HMMR: variants seen among roughly 807,000 people sequenced by gnomAD.
HMMR encodes the protein intracellular hyaluronic acid-binding protein.
A neutral mutation model predicts 101.0 loss-of-function variants in HMMR; 108 were observed. The ratio of observed to expected loss-of-function variants is 1.07; its 90% confidence interval spans 0.92 to 1.25. The LOEUF is 1.25. Among genes scored for constraint, HMMR ranks in the 50% most tolerant of loss-of-function variants. The pLI, the probability that HMMR is intolerant of heterozygous loss-of-function variation, is 0.00. For synonymous variants in HMMR, 296 were observed against 276.4 expected (o/e 1.07, Z -0.70); for missense variants, 813 against 788.7 (o/e 1.03, Z -0.37).
intron 11 of HMMR, among the ~76,000 whole-genome samples, chr5:163,477,188 A>G (rs1759095574): frequency 6.6e-6 from 1 of 152,216 alleles, no homozygotes; most frequent in African/African-American, 2.4e-5. Flanking sequence ...AAGAGAAACT[A>G]TTCCTTAGCC....
At chr5:163,475,391 T>C in intron 10 of HMMR, 67 bp from the exon 11 acceptor site, 1 of 807,310 alleles carries the variant, frequency 1.2e-6, no homozygotes, top group Non-Finnish European at 2.0e-6. Flanking sequence ...TGTACTTTTT[T>C]TTGTCTCCTA....
At chr5:163,468,161 C>T (rs1758761635) in intron 4 of HMMR, among the ~76,000 whole-genome samples, 1 of 152,234 alleles carries the variant, frequency 6.6e-6, no homozygotes, top group Non-Finnish European at 1.5e-5. Context: ...GTTAGGCTAA[C>T]TCGATGCATT....
chr5:163,488,388 T>TGAATAAAAGAAACA (rs1432620687), intron 16 of HMMR, among the ~76,000 whole-genome samples: 1 of 152,194 alleles, frequency 6.6e-6, no homozygotes, highest in African/African-American at 2.4e-5. Context: ...ATGTATAGGT[T>TGAATAAAAGAAACA]ATACTTTTCT....
intron 5 of HMMR, among the ~76,000 whole-genome samples, chr5:163,470,671 G>A (rs1450834963): frequency 6.6e-6 from 1 of 152,000 alleles, no homozygotes; most frequent in East Asian, 1.9e-4. Flanking sequence ...AAATAAACCA[G>A]CAAGTCACAT....
At chr5:163,463,493 G>A (rs181049172) in intron 1 of HMMR, among the ~76,000 whole-genome samples, 6 of 152,276 alleles carry the variant, frequency 3.9e-5, no homozygotes, top group Admixed American at 3.3e-4. Flanking sequence ...TTTATTTCTA[G>A]AAACTGATAG....
At chr5:163,470,432 G>GCCTAT (rs2113470600) in intron 5 of HMMR, among the ~76,000 whole-genome samples, 1 of 152,204 alleles carries the variant, frequency 6.6e-6, no homozygotes, top group African/African-American at 2.4e-5. Flanking sequence ...GACTAGCCTA[G>GCCTAT]CCTAACATGG....
At position 163,463,870 on chromosome 5, in the gene HMMR, C is replaced by G. The variant is rs1758617234; in HGVS notation, c.61C>G (p.Pro21Ala). 6.9e-7 allele frequency: 1 copy of G among 1,455,520 alleles called. No individual in the cohort carries two copies. The highest frequency in any genetic ancestry group is 9.2e-7 in the Non-Finnish European group (1 of 1,090,886). 90.2% of individuals were successfully genotyped at this position (1,455,520 alleles called of 1,614,324 possible). ...ATTTCCTCTAGGTTGTGCACCATCT[C>G]CAGGTGCTTATGATGTTAAAACTTT... ...FNDPSGCAPS[P>A]GAYDVKTLEV... Residue 21 changes from proline (P) to alanine (A), a missense_variant, in exon 2 of 18, where the codon CCA becomes GCA. Physicochemically the swap from Pro to Ala is conservative, Grantham distance 27. Transcript: ENST00000393915.
Position 163,474,041 on chromosome 5 carries a change from G to C in HMMR, c.905-16G>C. The C allele has an allele frequency of 6.3e-7, 1 of 1,599,898 alleles. No homozygotes were observed. The highest frequency in any genetic ancestry group is 8.5e-7 in the Non-Finnish European group (1 of 1,172,232). ...CTTATCTAATTCCAGTATTCTTGAT[G>C]TTTTGCGTTTTCTAGAAGACCATGT... On this transcript the variant is annotated splice_polypyrimidine_tract_variant and intron_variant, in intron 9 of 17. Coordinates refer to ENST00000393915, the MANE Select transcript of HMMR (RefSeq NM_001142556.2).
In HMMR at chr5:163,491,686, C is replaced by T. The variant is rs1561650720; in HGVS notation, c.*522C>T. ...TCATAGAAACCTCTCTATTTTTAAT[C>T]AGTTGTTTAATAATTTACAGGTTCT... On this transcript the variant is annotated 3_prime_UTR_variant, in exon 18 of 18. Coordinates refer to ENST00000393915, the MANE Select transcript of HMMR (RefSeq NM_001142556.2). The T allele has an allele frequency of 6.6e-6, 1 of 152,098 alleles. No homozygotes were observed. Among genetic ancestry groups the T allele is most frequent in the Non-Finnish European group, 1.5e-5 (1 of 68,028 alleles). The allele number at this position is 152,098 out of a possible 1,614,324, so 9.4% of individuals were successfully genotyped here.
Position 163,460,686 on chromosome 5 carries a change from C to G in HMMR, c.-7C>G. On this transcript the variant is annotated 5_prime_UTR_variant, in exon 1 of 18. Transcript: ENST00000393915. ...GTCACCTTCAGTTTCTGGAGCTGGC[C>G]GTCAACATGTCCTTTCCTAAGGCGC... The G allele has an allele frequency of 6.2e-7, 1 of 1,604,002 alleles. No homozygotes were observed. The highest frequency in any genetic ancestry group is 8.5e-7 in the Non-Finnish European group (1 of 1,174,972).
intron 12 of HMMR, among the ~76,000 whole-genome samples, chr5:163,481,363 T>A (rs545835905): frequency 6.6e-6 from 1 of 152,090 alleles, no homozygotes; most frequent in Non-Finnish European, 1.5e-5. Flanking sequence ...TCCCTTCTCG[T>A]TAGTTTGAAG....
chr5:163,481,113 T>G (rs1417953517), intron 12 of HMMR, among the ~76,000 whole-genome samples: 1 of 152,072 alleles, frequency 6.6e-6, no homozygotes, highest in Non-Finnish European at 1.5e-5. Flanking sequence ...TCAAATTCAT[T>G]TTTTGTTTTC....
At chr5:163,481,561 T>G (rs1239124663) in intron 12 of HMMR, among the ~76,000 whole-genome samples, 1 of 152,188 alleles carries the variant, frequency 6.6e-6, no homozygotes, top group Non-Finnish European at 1.5e-5. Flanking sequence ...CCAAACCAAC[T>G]CTTGATCCTT....
At position 163,483,951 on chromosome 5, in the gene HMMR, T is replaced by A. The variant is rs954847857; in HGVS notation, c.1786-118T>A. On this transcript the variant is annotated intron_variant, in intron 15 of 17. Coordinates refer to ENST00000393915, the MANE Select transcript of HMMR (RefSeq NM_001142556.2). ...GAATCTATGGAGAGCCCTGAGAATA[T>A]GTGAACATACCTTGTTTTCATTTGT... 16 of 583,174 alleles carry A rather than the reference T, an allele frequency of 2.7e-5. No homozygotes were observed. The South Asian group carries it at 3.6e-4, about 13-fold the overall frequency. 36.1% of individuals were successfully genotyped at this position (583,174 alleles called of 1,614,324 possible).
At chr5:163,465,821 C>T (rs1317637682) in intron 3 of HMMR, among the ~76,000 whole-genome samples, 12 of 151,686 alleles carry the variant, frequency 7.9e-5, no homozygotes, top group African/African-American at 2.2e-4. Flanking sequence ...ATGTGCTGGA[C>T]GTGGTGGCAC....
In HMMR at chr5:163,474,153, A is replaced by G. The variant is rs374170075; in HGVS notation, c.1001A>G (p.Glu334Gly). 6.2e-7 allele frequency: 1 copy of G among 1,610,706 alleles called. No individual in the cohort carries two copies. The change falls in exon 10 of 18, where the codon GAA (glutamate) becomes GGA (glycine). Residue 334 changes from glutamate (E) to glycine (G), a missense_variant. Transcript: ENST00000393915. ...QKFILEQQER[E>G]KLQQKELQID... is the part of the protein sequence containing the mutation. Reference sequence around the variant, plus strand: ...TTTATTCTTGAACAACAGGAACGTGAAAAGCTTCAACAAAAAGAATTACAA... The same window carrying G: ...TTTATTCTTGAACAACAGGAACGTGGAAAGCTTCAACAAAAAGAATTACAA...
intron 1 of HMMR, among the ~76,000 whole-genome samples, chr5:163,463,653 C>G (rs1758608742): frequency 6.6e-6 from 1 of 152,118 alleles, no homozygotes; most frequent in Non-Finnish European, 1.5e-5. Context: ...GTTCCTTTGA[C>G]CCGGTTGATA....
rs1336484434 is a variant in HMMR at position 163,475,395 on chromosome 5, T to G, written c.1054-63T>G. 3 of 849,390 alleles carry G rather than the reference T, an allele frequency of 3.5e-6. No individual in the cohort carries two copies. The South Asian group carries it at 5.5e-5, about 16-fold the overall frequency. The allele number at this position is 849,390 out of a possible 1,614,324, so 52.6% of individuals were successfully genotyped here. On this transcript the variant is annotated intron_variant, in intron 10 of 17. Coordinates refer to ENST00000393915, the MANE Select transcript of HMMR (RefSeq NM_001142556.2). Reference sequence around the variant, plus strand: ...CCTTCTTTATCTGTACTTTTTTTTGTCTCCTAGTACAACCTCACAATGCCA... The same window carrying G: ...CCTTCTTTATCTGTACTTTTTTTTGGCTCCTAGTACAACCTCACAATGCCA...
At chr5:163,482,072 C>A (rs145271555) in intron 12 of HMMR, among the ~76,000 whole-genome samples, 1 of 152,072 alleles carries the variant, frequency 6.6e-6, no homozygotes, top group Non-Finnish European at 1.5e-5. Flanking sequence ...TCCACCACCA[C>A]GCTTGGCTAA....
Sources: allele counts gnomAD v4.1 joint callset (sites outside exome capture counted in the v4.1 genomes callset), GRCh38; gene constraint gnomAD v4.1.1; transcripts MANE v1.5; gene names NCBI Gene and HGNC (gene_info 2026-07-23, HGNC 2026-07-21).